DCHS2: variants seen among roughly 807,000 people sequenced by gnomAD.
The protein encoded by DCHS2 is protocadherin-23.
A neutral mutation model predicts 182.4 loss-of-function variants in DCHS2; 142 were observed. The observed-to-expected ratio is 0.78, with a 90% CI of 0.68 to 0.89. The LOEUF (loss-of-function observed/expected upper bound fraction) is 0.89. Ranked by LOEUF, DCHS2 falls within the 40% of genes least tolerant of loss-of-function variation. DCHS2 has a pLI of 0.00. For missense variants in DCHS2, 4,319 were observed against 4,198.6 expected, an observed-to-expected ratio of 1.03 and a Z score of -0.79; for synonymous variants, 1,740 against 1,663.3, an observed-to-expected ratio of 1.05 and a Z score of -1.12.
chr4:154,413,436 T>C (rs1265160056), intron 1 of DCHS2, among the ~76,000 whole-genome samples: 1 of 152,198 alleles, frequency 6.6e-6, no homozygotes, highest in Non-Finnish European at 1.5e-5. Flanking sequence ...GTCAGCATCT[T>C]TGAGACATTG....
Position 154,489,656 on chromosome 4 carries a change from T to C in DCHS2, c.1700A>G (p.Asp567Gly), listed in dbSNP as rs1174858014. 1 of 1,551,602 alleles carries C rather than the reference T, an allele frequency of 6.4e-7. No homozygotes were observed. Among genetic ancestry groups the C allele is most frequent in the Admixed American group, 2.0e-5 (1 of 51,006 alleles). Residue 567 changes from aspartate to glycine, a missense_variant, in exon 1 of 20, where the codon GAC becomes GGC. By Grantham distance (94) the Asp-to-Gly change is moderately conservative. Coordinates refer to ENST00000357232, the MANE Select transcript of DCHS2 (RefSeq NM_001358235.2). ...CCAGGCGTGATCACTGCCTGCCTCG[T>C]CGGCATCGGAGGCGCTGACCCACAT... ...VVMWVSASDA[D>G]EAGSDHAWLR...
intron 1 of DCHS2, among the ~76,000 whole-genome samples, chr4:154,430,781 T>C (rs1224644395): frequency 6.6e-6 from 1 of 152,154 alleles, no homozygotes; most frequent in Non-Finnish European, 1.5e-5. Context: ...AATTTCATCT[T>C]TTCACTCTAA....
At chr4:154,469,259 GATGTCATAA>G (rs1735363360) in intron 1 of DCHS2, among the ~76,000 whole-genome samples, 1 of 151,734 alleles carries the variant, frequency 6.6e-6, no homozygotes, top group Admixed American at 6.6e-5. Context: ...TTTACTTTTG[GATGTCATAA>G]ATGTCCAAAA....
intron 13 of DCHS2, among the ~76,000 whole-genome samples, chr4:154,284,796 G>A (rs570051942): frequency 6.6e-6 from 1 of 152,274 alleles, no homozygotes; most frequent in Non-Finnish European, 1.5e-5. Context: ...TGGAAAGTTT[G>A]TCTAGGCCAC....
Position 154,234,830 on chromosome 4 carries a change from A to T in DCHS2, c.9822T>A (p.Phe3274Leu). The change falls in exon 20 of 20, where the codon TTT (phenylalanine) becomes TTA (leucine). Residue 3274 changes from phenylalanine (F) to leucine (L), a missense_variant. Physicochemically the swap from Phe to Leu is conservative, Grantham distance 22. Coordinates refer to ENST00000357232, the MANE Select transcript of DCHS2 (RefSeq NM_001358235.2). Reference sequence around the variant, plus strand: ...CTGTTATCAAAGGGGGTGGAAAAACAAAAGATTTCTTCTCTTTTGGAATGC... The same window carrying T: ...CTGTTATCAAAGGGGGTGGAAAAACTAAAGATTTCTTCTCTTTTGGAATGC... ...MPGIPKEKKS[F>L]VFPPPLITAV... 6.2e-7 allele frequency: 1 copy of T among 1,614,054 alleles called. No homozygotes were observed. Among genetic ancestry groups the T allele is most frequent in the Non-Finnish European group, 8.5e-7 (1 of 1,179,962 alleles).
chr4:154,428,300 G>C (rs1733415691), intron 1 of DCHS2, among the ~76,000 whole-genome samples: 1 of 152,184 alleles, frequency 6.6e-6, no homozygotes, highest in Non-Finnish European at 1.5e-5. Flanking sequence ...CAGAACTTTG[G>C]AAGTTGAGGC....
At chr4:154,255,855 G>C (rs554444924) in intron 15 of DCHS2, among the ~76,000 whole-genome samples, 185 bp from the exon 16 acceptor site, 1 of 152,144 alleles carries the variant, frequency 6.6e-6, no homozygotes, top group Non-Finnish European at 1.5e-5. Context: ...TGAGTGATGG[G>C]GGAAATTCTT....
chr4:154,335,476 T>A (rs1728754982), intron 3 of DCHS2, among the ~76,000 whole-genome samples: 1 of 152,204 alleles, frequency 6.6e-6, no homozygotes, highest in Non-Finnish European at 1.5e-5. Context: ...TGGCTCTTCC[T>A]AGGTCTCGAG....
chr4:154,385,753 A>T (rs1731385373), intron 1 of DCHS2, among the ~76,000 whole-genome samples: 1 of 152,036 alleles, frequency 6.6e-6, no homozygotes. Context: ...CAGGCTCCCA[A>T]AGTGCTAGGA....
chr4:154,298,728 C>T lies in DCHS2; in HGVS notation c.5606-20G>A. The T allele has an allele frequency of 6.5e-7, 1 of 1,533,458 alleles. No homozygotes were observed. Among genetic ancestry groups the T allele is most frequent in the Non-Finnish European group, 8.7e-7 (1 of 1,142,910 alleles). 95.0% of individuals were successfully genotyped at this position (1,533,458 alleles called of 1,614,324 possible). A position where few individuals can be genotyped will look rare whatever the true frequency, so the allele number is the denominator to read the frequency against. ...TTCCATCTATTAAAGAAAACAATTA[C>T]AAATTCATTTGAATTGAAAAAGTAG... On this transcript the variant is annotated intron_variant, in intron 12 of 19. Coordinates refer to ENST00000357232, the MANE Select transcript of DCHS2 (RefSeq NM_001358235.2).
rs778079975 is a variant in DCHS2, at chr4:154,298,538, C to A, written c.5776G>T (p.Ala1926Ser). The change falls in exon 13 of 20, where the codon GCC becomes TCC. Residue 1926 changes from alanine (A) to serine (S), a missense_variant. Coordinates refer to ENST00000357232, the MANE Select transcript of DCHS2 (RefSeq NM_001358235.2). ...GGAAAAGAAGGACTGTGGTCATTGG[C>A]ATCCAAAACTCTAACTTGCAGGTGT... ...VIHLQVRVLD[A>S]NDHSPSFPTL... 1 of 1,614,134 alleles carries A rather than the reference C, an allele frequency of 6.2e-7. No individual in the cohort carries two copies. The highest frequency in any genetic ancestry group is 1.7e-5 in the Admixed American group (1 of 60,018).
At chr4:154,465,304 C>T (rs1356214770) in intron 1 of DCHS2, among the ~76,000 whole-genome samples, 1 of 152,162 alleles carries the variant, frequency 6.6e-6, no homozygotes, top group Non-Finnish European at 1.5e-5. Flanking sequence ...CATAGGGCTG[C>T]TCTCAATGTG....
intron 16 of DCHS2, among the ~76,000 whole-genome samples, chr4:154,248,507 T>C (rs1460954927): frequency 6.6e-6 from 1 of 152,212 alleles, no homozygotes; most frequent in East Asian, 1.9e-4. Flanking sequence ...CACTATTTGA[T>C]TTTTTTAAAA....
intron 13 of DCHS2, among the ~76,000 whole-genome samples, chr4:154,287,955 A>G (rs1355875755): frequency 6.6e-6 from 1 of 152,214 alleles, no homozygotes; most frequent in Non-Finnish European, 1.5e-5. Flanking sequence ...AAATTAAAAT[A>G]CACAACCAGA....
chr4:154,376,275 G>A (rs1446868989), intron 2 of DCHS2, among the ~76,000 whole-genome samples: 2 of 151,990 alleles, frequency 1.3e-5, no homozygotes, highest in African/African-American at 4.8e-5. Flanking sequence ...AAAAGACAAA[G>A]GAATCAAACT....
At chr4:154,489,201 A>T in intron 1 of DCHS2, 103 bp downstream of exon 1, 1 of 985,502 alleles carries the variant, frequency 1.0e-6, no homozygotes, top group Non-Finnish European at 1.5e-6. Flanking sequence ...TGTATTTGAG[A>T]GCCGGAATAT....
chr4:154,435,665 T>C (rs1733749761), intron 1 of DCHS2, among the ~76,000 whole-genome samples: 1 of 151,278 alleles, frequency 6.6e-6, no homozygotes, highest in Non-Finnish European at 1.5e-5. Context: ...CTCTGGCCAA[T>C]AAAAAAAGGG....
At chr4:154,430,171 G>T (rs979325061) in intron 1 of DCHS2, among the ~76,000 whole-genome samples, 4 of 152,166 alleles carry the variant, frequency 2.6e-5, no homozygotes, top group Non-Finnish European at 5.9e-5. Flanking sequence ...GAATGGCATA[G>T]CATGCTTGCA....
intron 7 of DCHS2, chr4:154,323,244 C>G: frequency 3.3e-6 from 5 of 1,493,802 alleles, no homozygotes; most frequent in Non-Finnish European, 4.5e-6. Flanking sequence ...AGATTCAGGT[C>G]AGGATTTTGT....
Sources: allele counts gnomAD v4.1 joint callset (sites outside exome capture counted in the v4.1 genomes callset), GRCh38; gene constraint gnomAD v4.1.1; transcripts MANE v1.5; gene names NCBI Gene and HGNC (gene_info 2026-07-23, HGNC 2026-07-21).